The following SCAI variants were observed in gnomAD, a reference collection of about 807,000 sequenced individuals.
SCAI encodes protein SCAI.
In SCAI, 24 loss-of-function variants were observed where a neutral mutation model predicts 92.2. The ratio of observed to expected loss-of-function variants is 0.26; its 90% CI spans 0.19 to 0.37. SCAI has a LOEUF of 0.37. Among genes scored for constraint, SCAI ranks in the 10% least tolerant of loss-of-function variants. The probability of loss-of-function intolerance (pLI) is 1.00; values close to 1 mark genes in which losing one functional copy is unlikely to be tolerated. For missense variants in SCAI, 450 were observed against 736.2 expected (o/e 0.61, Z 4.50); for synonymous variants, 261 against 258.6 (o/e 1.01, Z -0.09).
At chr9:125,087,851 T>G (rs1477202231) in intron 2 of SCAI, among the ~76,000 whole-genome samples, 1 of 152,188 alleles carries the variant, frequency 6.6e-6, no homozygotes, top group African/African-American at 2.4e-5. Context: ...TATTTACAGA[T>G]TAAATGATGT....
chr9:125,133,600 G>A (rs774403640), intron 2 of SCAI, among the ~76,000 whole-genome samples: 4 of 152,122 alleles, frequency 2.6e-5, no homozygotes, highest in Non-Finnish European at 4.4e-5. Flanking sequence ...ACAATGACAC[G>A]TACCAGTGTA....
In SCAI at chr9:125,074,075, C is replaced by G. The variant is rs929553393; in HGVS notation, c.99-18068G>C. Among the ~76,000 whole-genome samples the G allele has an allele frequency of 2.6e-5, 4 of 151,404 alleles. No individual in the cohort carries two copies. In the East Asian group the frequency reaches 7.9e-4, roughly 30 times the overall value. On this transcript the variant is annotated intron_variant, in intron 2 of 17. Coordinates refer to ENST00000336505, the MANE Select transcript of SCAI (RefSeq NM_001144877.3). ...GAGATCGAGACCGTCCTGGCTAACA[C>G]GGTGAAACCCCGTCTCTACTAAAAA... is the stretch of plus-strand genomic sequence containing the variant.
chr9:125,108,852 G>T (rs1376114856), intron 2 of SCAI, among the ~76,000 whole-genome samples: 1 of 152,260 alleles, frequency 6.6e-6, no homozygotes, highest in African/African-American at 2.4e-5. Flanking sequence ...ACCCCGTCTG[G>T]GAGGTGTACC....
rs931067465 is a variant in SCAI, at chr9:124,995,198, G to GA, written c.1245-184dup. On this transcript the variant is annotated intron_variant, in intron 13 of 17. Transcript: ENST00000336505. The stretch of plus-strand genomic sequence containing the variant: ...GATAGCCAAGATAGTTCTATTTGGA[G>GA]AAAAAAAAAAAAGTTCAGAGACAAT... Among the ~76,000 whole-genome samples the GA allele has an allele frequency of 5.7e-4, 80 of 141,574 alleles. 1 individual carries two copies. Among genetic ancestry groups the GA allele is most frequent in the Admixed American group, 6.3e-4 (9 of 14,192 alleles). The allele number at this position is 141,574 out of a possible 152,430, so 92.9% of individuals were successfully genotyped here.
chr9:125,122,581 T>C (rs1270669293), intron 2 of SCAI, among the ~76,000 whole-genome samples: 1 of 93,574 alleles, frequency 1.1e-5, no homozygotes, highest in Non-Finnish European at 1.9e-5. Context: ...AGAGTGAGAC[T>C]CCATCTCAAA....
rs1168643448 is a variant in SCAI, at chr9:125,106,096, C to CA, written c.98+36536dup. Among the ~76,000 whole-genome samples, 18 of 18,778 alleles carry CA rather than the reference C, an allele frequency of 9.6e-4. 1 individual carries two copies. The highest frequency in any genetic ancestry group is 1.5e-3 in the African/African-American group (7 of 4,542). The allele number at this position is 18,778 out of a possible 152,430, so 12.3% of individuals were successfully genotyped here. ...TGCGTGACAGAGTGAGACTCCATCT[C>CA]AAAAAAAAAAAAAAAAAAAAAAAAA... is the stretch of plus-strand genomic sequence containing the variant. On this transcript the variant is annotated intron_variant, in intron 2 of 17. Coordinates refer to ENST00000336505, the MANE Select transcript of SCAI (RefSeq NM_001144877.3).
At chr9:125,003,864 G>T (rs1832416360) in intron 9 of SCAI, among the ~76,000 whole-genome samples, 1 of 151,910 alleles carries the variant, frequency 6.6e-6, no homozygotes, top group African/African-American at 2.4e-5. Context: ...CTCAGGTTTT[G>T]TTTTTTTAAG....
intron 2 of SCAI, among the ~76,000 whole-genome samples, chr9:125,056,457 A>G (rs1007881049): frequency 1.3e-5 from 2 of 152,044 alleles, no homozygotes; most frequent in African/African-American, 4.8e-5. Context: ...AGAGCGAGAC[A>G]CCATCTCAAA....
At chr9:124,996,595 G>C (rs1466512883) in intron 13 of SCAI, among the ~76,000 whole-genome samples, 1 of 150,962 alleles carries the variant, frequency 6.6e-6, no homozygotes, top group Non-Finnish European at 1.5e-5. Context: ...GAGCCACCAT[G>C]CTCGGTCCAA....
At chr9:125,078,410 C>T (rs1374669975) in intron 2 of SCAI, among the ~76,000 whole-genome samples, 1 of 152,018 alleles carries the variant, frequency 6.6e-6, no homozygotes, top group Middle Eastern at 3.2e-3. Context: ...TGCCTGTAAT[C>T]CCAGCTACTC....
chr9:125,119,892 C>T (rs931802268), intron 2 of SCAI, among the ~76,000 whole-genome samples: 1 of 152,230 alleles, frequency 6.6e-6, no homozygotes, highest in African/African-American at 2.4e-5. Flanking sequence ...TCAGGAGCTT[C>T]AGTTTCCCTC....
At chr9:125,108,097 G>T (rs1397320624) in intron 2 of SCAI, among the ~76,000 whole-genome samples, 1 of 152,272 alleles carries the variant, frequency 6.6e-6, no homozygotes, top group Non-Finnish European at 1.5e-5. Context: ...GCCTCCCGAG[G>T]TGCCGGGATT....
chr9:124,998,057 A>G (rs1198060805), intron 13 of SCAI, among the ~76,000 whole-genome samples: 1 of 152,092 alleles, frequency 6.6e-6, no homozygotes, highest in East Asian at 1.9e-4. Flanking sequence ...CTCCTACCTC[A>G]GCCTCCTAAA....
At chr9:125,096,277 C>G (rs1834550118) in intron 2 of SCAI, among the ~76,000 whole-genome samples, 1 of 152,136 alleles carries the variant, frequency 6.6e-6, no homozygotes, top group African/African-American at 2.4e-5. Context: ...ACCATCAGAT[C>G]TCGTGAGACT....
At chr9:125,028,545 A>C in intron 4 of SCAI, 67 bp from the exon 5 acceptor site, 1 of 778,984 alleles carries the variant, frequency 1.3e-6, no homozygotes, top group Non-Finnish European at 2.0e-6. Context: ...CAAATCTGTA[A>C]ATTCAATAGG....
At chr9:125,138,595 T>C (rs1370290272) in intron 2 of SCAI, among the ~76,000 whole-genome samples, 3 of 152,156 alleles carry the variant, frequency 2.0e-5, no homozygotes, top group African/African-American at 4.8e-5. Context: ...TTTTTGTTTT[T>C]AGTAGAGACG....
chr9:124,960,741 AG>A (rs754849145), intron 17 of SCAI, among the ~76,000 whole-genome samples: 3 of 152,248 alleles, frequency 2.0e-5, no homozygotes, highest in Admixed American at 1.3e-4. Flanking sequence ...ACAAAGGTTT[AG>A]GTTACACAGA....
chr9:125,079,442 C>T (rs1488703974), intron 2 of SCAI, among the ~76,000 whole-genome samples: 1 of 152,184 alleles, frequency 6.6e-6, no homozygotes, highest in Non-Finnish European at 1.5e-5. Flanking sequence ...GCTCCTCAGA[C>T]ATCTATAACT....
intron 14 of SCAI, among the ~76,000 whole-genome samples, chr9:124,982,984 C>T (rs117640099): frequency 0.035 from 5,392 of 151,984 alleles, 115 homozygotes; most frequent in Admixed American, 0.053. Context: ...AAGACCCTAT[C>T]TCTACACAAA....
Sources: allele counts gnomAD v4.1 joint callset (sites outside exome capture counted in the v4.1 genomes callset), GRCh38; gene constraint gnomAD v4.1.1; transcripts MANE v1.5; gene names NCBI Gene and HGNC (gene_info 2026-07-23, HGNC 2026-07-21).